GALNTL6: variants seen among roughly 807,000 people sequenced by gnomAD.
GALNTL6 encodes the protein polypeptide N-acetylgalactosaminyltransferase like 6.
A neutral mutation model predicts 73.7 loss-of-function variants in GALNTL6; 46 were observed. The ratio of observed to expected loss-of-function variants is 0.62; its 90% confidence interval spans 0.49 to 0.80. GALNTL6 has a LOEUF of 0.80. GALNTL6 is among the 30% of genes least tolerant of loss of function. The probability of loss-of-function intolerance (pLI) is 0.00; values close to 1 mark genes in which losing one functional copy is unlikely to be tolerated. For synonymous variants in GALNTL6, 259 were observed against 263.7 expected (o/e 0.98, Z 0.17); for missense variants, 604 against 755.0 (o/e 0.80, Z 2.34).
chr4:172,461,462 C>A (rs528858302), intron 5 of GALNTL6, among the ~76,000 whole-genome samples: 2 of 152,020 alleles, frequency 1.3e-5, no homozygotes, highest in Non-Finnish European at 2.9e-5. Context: ...CTGGTTGGAC[C>A]ACAGAACTTA....
In GALNTL6 at chr4:173,039,892, C is replaced by T. The variant is rs1312014203; in HGVS notation, c.1639-41C>T. The T allele has an allele frequency of 4.7e-6, 7 of 1,499,508 alleles. No homozygotes were observed. The East Asian group carries it at 6.9e-5, about 15-fold the overall frequency. The allele number at this position is 1,499,508 out of a possible 1,614,324, so 92.9% of individuals were successfully genotyped here. Reference sequence around the variant, plus strand: ...TATTTTGGGTTGTAACCATTCACCACGTATTACAACAGTCTTTTCTTTTCT... The same window carrying T: ...TATTTTGGGTTGTAACCATTCACCATGTATTACAACAGTCTTTTCTTTTCT... On this transcript the variant is annotated intron_variant, in intron 12 of 12. Transcript: ENST00000506823.
intron 2 of GALNTL6, among the ~76,000 whole-genome samples, chr4:172,022,467 T>C (rs1022495844): frequency 6.6e-6 from 1 of 152,052 alleles, no homozygotes; most frequent in African/African-American, 2.4e-5. Flanking sequence ...ACTATACCAG[T>C]GGCAATGACA....
At chr4:172,599,198 C>T (rs960161188) in intron 5 of GALNTL6, among the ~76,000 whole-genome samples, 5 of 152,104 alleles carry the variant, frequency 3.3e-5, no homozygotes, top group South Asian at 2.1e-4. Context: ...AGCCAGTATG[C>T]TAGTTGCAAT....
intron 5 of GALNTL6, among the ~76,000 whole-genome samples, chr4:172,592,215 G>A (rs1181823440): frequency 6.6e-6 from 1 of 152,178 alleles, no homozygotes; most frequent in East Asian, 1.9e-4. Context: ...GGTCAAAGGG[G>A]AAGTGGGCAA....
chr4:172,002,690 T>C (rs1024191260), intron 2 of GALNTL6, among the ~76,000 whole-genome samples: 15 of 152,174 alleles, frequency 9.9e-5, no homozygotes, highest in African/African-American at 3.4e-4. Context: ...GAAAAAGTGA[T>C]AACTACTTTC....
At chr4:172,475,964 A>G (rs567588981) in intron 5 of GALNTL6, among the ~76,000 whole-genome samples, 107 of 152,290 alleles carry the variant, frequency 7.0e-4, no homozygotes, top group African/African-American at 2.5e-3. Flanking sequence ...TTGCATCTGG[A>G]TGCCATAATA....
chr4:172,920,632 T>G (rs918844004), intron 8 of GALNTL6, among the ~76,000 whole-genome samples: 1 of 152,204 alleles, frequency 6.6e-6, no homozygotes, highest in Admixed American at 6.5e-5. Context: ...ACTCATTTCT[T>G]TAATTTATAA....
chr4:172,036,882 C>A (rs931147297), intron 2 of GALNTL6, among the ~76,000 whole-genome samples: 2 of 152,110 alleles, frequency 1.3e-5, no homozygotes, highest in African/African-American at 4.8e-5. Context: ...GGGGACTATT[C>A]TGTCAGCACT....
At chr4:172,318,886 C>T (rs575471768) in intron 4 of GALNTL6, among the ~76,000 whole-genome samples, 1 of 152,012 alleles carries the variant, frequency 6.6e-6, no homozygotes, top group African/African-American at 2.4e-5. Flanking sequence ...CAAAGAACAG[C>T]CTCTGTAATC....
intron 2 of GALNTL6, among the ~76,000 whole-genome samples, chr4:171,993,722 T>C (rs1388774566): frequency 6.6e-6 from 1 of 151,722 alleles, no homozygotes; most frequent in Non-Finnish European, 1.5e-5. Flanking sequence ...GAAAAGTTAA[T>C]GGGTTTTACA....
chr4:172,794,225 G>A (rs1040817761), intron 5 of GALNTL6, among the ~76,000 whole-genome samples: 25 of 152,056 alleles, frequency 1.6e-4, no homozygotes, highest in African/African-American at 6.0e-4. Flanking sequence ...CACTCTTTTG[G>A]GAATTCCTTC....
At chr4:172,547,476 G>T (rs1373884108) in intron 5 of GALNTL6, among the ~76,000 whole-genome samples, 2 of 152,032 alleles carry the variant, frequency 1.3e-5, no homozygotes, top group Non-Finnish European at 2.9e-5. Flanking sequence ...ATATATAGCT[G>T]GGGGAGGGAA....
chr4:172,711,263 C>T (rs188050946), intron 5 of GALNTL6, among the ~76,000 whole-genome samples: 200 of 152,200 alleles, frequency 1.3e-3, no homozygotes, highest in African/African-American at 4.1e-3. Flanking sequence ...GCAGATGGAA[C>T]GCCGCGTACA....
At chr4:172,235,933 T>A (rs1005019508) in intron 3 of GALNTL6, among the ~76,000 whole-genome samples, 18 of 152,204 alleles carry the variant, frequency 1.2e-4, no homozygotes, top group African/African-American at 4.1e-4. Flanking sequence ...TGGGTTAATT[T>A]GCTTAGGATA....
intron 5 of GALNTL6, among the ~76,000 whole-genome samples, chr4:172,731,831 ATTTG>A (rs1736167819): frequency 6.6e-6 from 1 of 151,820 alleles, no homozygotes; most frequent in Non-Finnish European, 1.5e-5. Flanking sequence ...TTAAATTTCC[ATTTG>A]TTTGTGAATT....
chr4:172,404,142 G>C (rs1744132926), intron 5 of GALNTL6, among the ~76,000 whole-genome samples: 1 of 151,820 alleles, frequency 6.6e-6, no homozygotes, highest in Admixed American at 6.6e-5. Context: ...AGAGAAGCAT[G>C]CCCTAAATGC....
chr4:172,943,675 G>A (rs1749019651), intron 9 of GALNTL6, among the ~76,000 whole-genome samples: 1 of 152,124 alleles, frequency 6.6e-6, no homozygotes, highest in Non-Finnish European at 1.5e-5. Flanking sequence ...TGAAAATCCA[G>A]CTCACAGAAT....
In GALNTL6 at chr4:172,738,560, C is replaced by T. The variant is rs888749125; in HGVS notation, c.554-70801C>T. On this transcript the variant is annotated intron_variant, in intron 5 of 12. Transcript: ENST00000506823. ...ATGTCATGCTAAATGATTTTTAATG[C>T]AGAATACATGATTATATACAAAATA... is the stretch of plus-strand genomic sequence containing the variant. Among the ~76,000 whole-genome samples the T allele has an allele frequency of 2.6e-5, 4 of 151,348 alleles. No individual in the cohort carries two copies. In the South Asian group the frequency reaches 8.4e-4, roughly 32 times the overall value.
At chr4:172,670,337 A>G (rs187955249) in intron 5 of GALNTL6, among the ~76,000 whole-genome samples, 62 of 152,094 alleles carry the variant, frequency 4.1e-4, no homozygotes, top group Non-Finnish European at 2.9e-4. Flanking sequence ...TTTTAATAGT[A>G]GCCTTTCTGT....
Sources: gnomAD v4.1 joint callset for allele counts (sites outside exome capture counted in the v4.1 genomes callset) on GRCh38, gnomAD v4.1.1 for gene constraint, MANE v1.5 for transcripts, NCBI Gene and HGNC (gene_info 2026-07-23, HGNC 2026-07-21) for gene names.